The following GALNT13 variants were observed in gnomAD, a reference collection of about 807,000 sequenced individuals.
GALNT13 encodes the protein polypeptide N-acetylgalactosaminyltransferase 13, also known as UDP-GalNAc:polypeptide N-acetylgalactosaminyltransferase 13.
Under a neutral mutation model 64.2 loss-of-function variants are expected in GALNT13, and 28 were observed. The observed-to-expected ratio is 0.44, with a 90% CI of 0.32 to 0.60. GALNT13 has a LOEUF of 0.60. Among genes scored for constraint, GALNT13 ranks in the 20% least tolerant of loss-of-function variants. GALNT13 has a pLI of 0.05. For synonymous variants in GALNT13, 214 were observed against 224.6 expected (o/e 0.95, Z 0.42); for missense variants, 577 against 669.8 (o/e 0.86, Z 1.53).
chr2:153,664,125 G>T, the GALNT13 span, among the ~76,000 whole-genome samples: 14 of 152,166 alleles, frequency 9.2e-5, 1 homozygote. Context: ...CAACTGGTCT[G>T]ACTAGAAATC....
intron 9 of GALNT13, among the ~76,000 whole-genome samples, chr2:154,366,575 C>T (rs941547298): frequency 2.6e-5 from 4 of 152,164 alleles, no homozygotes; most frequent in African/African-American, 4.8e-5. Context: ...TTCAAATCTG[C>T]TCCAAGTGAG....
At chr2:154,238,201 TTTTAGATTTC>T (rs576170686) in intron 4 of GALNT13, among the ~76,000 whole-genome samples, 173 of 152,166 alleles carry the variant, frequency 1.1e-3, no homozygotes, top group African/African-American at 4.0e-3. Context: ...GTTGACACTG[TTTTAGATTTC>T]TTGAGTTATA....
chr2:153,452,041 G>A, the GALNT13 span, among the ~76,000 whole-genome samples: 3 of 152,174 alleles, frequency 2.0e-5, no homozygotes, highest in Non-Finnish European at 4.4e-5. Flanking sequence ...AGCCAGCATC[G>A]CTTGTACAGC....
the GALNT13 span, among the ~76,000 whole-genome samples, chr2:153,595,785 C>T: frequency 6.6e-6 from 1 of 152,042 alleles, no homozygotes; most frequent in Admixed American, 6.6e-5. Flanking sequence ...ATCAGATGAA[C>T]CACTAGAATC....
At chr2:154,432,661 G>A (rs1204441707) in intron 11 of GALNT13, among the ~76,000 whole-genome samples, 4 of 152,084 alleles carry the variant, frequency 2.6e-5, no homozygotes, top group African/African-American at 4.8e-5. Flanking sequence ...AACAATCCTT[G>A]GTGTCCCATG....
At chr2:153,269,349 G>C in the GALNT13 span, among the ~76,000 whole-genome samples, 1 of 152,200 alleles carries the variant, frequency 6.6e-6, no homozygotes, top group African/African-American at 2.4e-5. Context: ...CTCTAGAGCA[G>C]AGGTGAAATG....
chr2:153,953,413 CA>C lies in GALNT13; in HGVS notation c.142+8781del, dbSNP rs1187163903. Among the ~76,000 whole-genome samples, 13 of 152,034 alleles carry C rather than the reference CA, an allele frequency of 8.6e-5. No individual in the cohort carries two copies. In the South Asian group the frequency reaches 1.9e-3, roughly 22 times the overall value. ...CACTACAAGTGTTAGTAAATTCTCA[CA>C]AAAAAATCTGTAAAGTTGGCATTAT... On this transcript the variant is annotated intron_variant, in intron 3 of 12. Transcript: ENST00000392825.
chr2:153,079,372 C>T, the GALNT13 span, among the ~76,000 whole-genome samples: 1 of 152,168 alleles, frequency 6.6e-6, no homozygotes, highest in African/African-American at 2.4e-5. Context: ...AAATTCTGCT[C>T]ATAGCAGTTA....
chr2:154,273,977 G>T (rs1691497642), intron 8 of GALNT13, among the ~76,000 whole-genome samples: 1 of 151,376 alleles, frequency 6.6e-6, no homozygotes, highest in Non-Finnish European at 1.5e-5. Flanking sequence ...TATATAAGAA[G>T]GTTTTTTCTC....
At chr2:154,324,251 T>A (rs915885270) in intron 9 of GALNT13, among the ~76,000 whole-genome samples, 3 of 152,072 alleles carry the variant, frequency 2.0e-5, no homozygotes, top group African/African-American at 7.2e-5. Context: ...TTAAATTATT[T>A]TAACATTTTG....
At chr2:154,259,370 A>G (rs987699790) in intron 8 of GALNT13, among the ~76,000 whole-genome samples, 3 of 152,226 alleles carry the variant, frequency 2.0e-5, no homozygotes, top group Non-Finnish European at 4.4e-5. Flanking sequence ...TTTTATTCAC[A>G]GTAAAAATAC....
chr2:153,257,649 G>A, the GALNT13 span, among the ~76,000 whole-genome samples: 1 of 151,954 alleles, frequency 6.6e-6, no homozygotes, highest in South Asian at 2.1e-4. Context: ...TTGAGCTATT[G>A]GCAGCTTTTA....
At chr2:153,729,210 T>C in the GALNT13 span, among the ~76,000 whole-genome samples, 1 of 152,156 alleles carries the variant, frequency 6.6e-6, no homozygotes, top group East Asian at 1.9e-4. Flanking sequence ...TCTTCTTATG[T>C]AGAGTATCTT....
chr2:154,301,625 G>A (rs751383517), intron 9 of GALNT13, 36 bp downstream of exon 9: 1 of 1,403,946 alleles, frequency 7.1e-7, no homozygotes, highest in South Asian at 1.3e-5. Flanking sequence ...CTCTACAGGA[G>A]AAAATAAAAT....
At chr2:153,926,101 A>C (rs963035252) in intron 2 of GALNT13, among the ~76,000 whole-genome samples, 1 of 152,074 alleles carries the variant, frequency 6.6e-6, no homozygotes, top group East Asian at 1.9e-4. Context: ...CACTATTAAT[A>C]GGAGACAACG....
At chr2:153,118,981 G>A in the GALNT13 span, among the ~76,000 whole-genome samples, 1 of 152,096 alleles carries the variant, frequency 6.6e-6, no homozygotes, top group Non-Finnish European at 1.5e-5. Flanking sequence ...CCTCTATGTT[G>A]TTCTCATGAT....
the GALNT13 span, among the ~76,000 whole-genome samples, chr2:153,577,935 G>C: frequency 6.6e-6 from 1 of 150,894 alleles, no homozygotes; most frequent in African/African-American, 2.4e-5. Context: ...AACACAGGTA[G>C]TCACACACAA....
chr2:153,589,258 T>C, the GALNT13 span, among the ~76,000 whole-genome samples: 1 of 152,234 alleles, frequency 6.6e-6, no homozygotes, highest in African/African-American at 2.4e-5. Context: ...TGCTAAAACA[T>C]GAACAGAGTT....
chr2:154,072,920 A>G (rs1700805597), intron 3 of GALNT13, among the ~76,000 whole-genome samples: 2 of 152,030 alleles, frequency 1.3e-5, no homozygotes, highest in Admixed American at 1.3e-4. Context: ...AAACATTTTC[A>G]TGACTTCAGG....
Sources: allele counts gnomAD v4.1 joint callset (sites outside exome capture counted in the v4.1 genomes callset), GRCh38; gene constraint gnomAD v4.1.1; transcripts MANE v1.5; gene names NCBI Gene and HGNC (gene_info 2026-07-23, HGNC 2026-07-21).